The following HYDIN variants were observed in gnomAD, a reference collection of about 807,000 sequenced individuals.
HYDIN encodes the protein HYDIN axonemal central pair apparatus protein.
A neutral mutation model predicts 403.9 loss-of-function variants in HYDIN; 132 were observed. That is an observed-to-expected ratio of 0.33 (90% CI 0.28 to 0.38). The LOEUF is 0.38. Ranked by LOEUF, HYDIN falls within the 10% of genes least tolerant of loss-of-function variation. HYDIN has a pLI of 1.00. For missense variants in HYDIN, 2,827 were observed against 5,009.5 expected (o/e 0.56, Z 13.15); for synonymous variants, 1,202 against 1,891.7 (o/e 0.64, Z 9.46).
chr16:70,841,982 C>G (rs1353496387), intron 75 of HYDIN, among the ~76,000 whole-genome samples: 1 of 150,558 alleles, frequency 6.6e-6, no homozygotes, highest in Non-Finnish European at 1.5e-5. Context: ...CACCTTCTTC[C>G]TGAGGATTTG....
intron 80 of HYDIN, 51 bp from the exon 81 acceptor site, chr16:70,829,881 C>T (rs1292141296): frequency 1.3e-6 from 2 of 1,519,090 alleles, no homozygotes; most frequent in Non-Finnish European, 1.8e-6. Context: ...CCTGGTCCGT[C>T]TCCAGGGCCA....
rs746194696 is a variant in HYDIN at position 70,803,046 on chromosome 16, C to T, written c.*4534G>A. Among the ~76,000 whole-genome samples, 49 of 152,272 alleles carry T rather than the reference C, an allele frequency of 3.2e-4. 1 individual carries two copies. The highest frequency in any genetic ancestry group is 8.3e-4 in the South Asian group (4 of 4,828). On this transcript the variant is annotated 3_prime_UTR_variant, in exon 86 of 86. Coordinates refer to ENST00000393567, the MANE Select transcript of HYDIN (RefSeq NM_001270974.2). ...CCAATGTGTGTGCATTTCCACGGGACGCATATCTAATATATTTCATGTTTC... is the reference window on the plus strand; with the variant it reads ...CCAATGTGTGTGCATTTCCACGGGATGCATATCTAATATATTTCATGTTTC...
chr16:71,209,939 T>C (rs2088495455), intron 1 of HYDIN, among the ~76,000 whole-genome samples: 1 of 152,070 alleles, frequency 6.6e-6, no homozygotes. Flanking sequence ...AGAAGAAATA[T>C]CATTAAAGGG....
At chr16:70,890,328 C>T (rs929510525) in intron 57 of HYDIN, among the ~76,000 whole-genome samples, 3 of 152,272 alleles carry the variant, frequency 2.0e-5, no homozygotes, top group South Asian at 2.1e-4. Flanking sequence ...AACCCCCTTT[C>T]GTGTGTTTTG....
At position 71,217,939 on chromosome 16, in the gene HYDIN, TC is replaced by T. The variant is rs557339206; in HGVS notation, c.-24+12622del. 7.2e-5 allele frequency among the ~76,000 whole-genome samples: 11 copies of T among 152,312 alleles called. No individual in the cohort carries two copies. In the South Asian group the frequency reaches 2.3e-3, roughly 32 times the overall value. On this transcript the variant is annotated intron_variant, in intron 1 of 85. Coordinates refer to ENST00000393567, the MANE Select transcript of HYDIN (RefSeq NM_001270974.2). ...GGTGCTGAATCGTTGTTGAAAAATC[TC>T]CTGAATTTGTTGTAATAGGGATGAG...
rs72792885 is a variant in HYDIN at position 70,818,380 on chromosome 16, C to T, written c.14620G>A (p.Ala4874Thr). 1,094 of 1,613,638 alleles carry T rather than the reference C, an allele frequency of 6.8e-4. 3 individuals are homozygous for T. Among genetic ancestry groups the T allele is most frequent in the Non-Finnish European group, 5.9e-4 (699 of 1,179,756 alleles). Residue 4874 changes from alanine to threonine, a missense_variant, in exon 84 of 86, where the codon GCC becomes ACC. Ala to Thr is a moderately conservative substitution (Grantham distance 58). Transcript: ENST00000393567. ...GGCACCACAAACTGGGAGGGCAGGG[C>T]GATGTCGGGCATCCGGCATTCCGTG... ...FSTECRMPDIALPSQFVVPAN... is the reference protein window; with the variant it reads ...FSTECRMPDITLPSQFVVPAN...
chr16:71,123,087 C>T (rs2144493634), intron 9 of HYDIN, among the ~76,000 whole-genome samples: 1 of 77,552 alleles, frequency 1.3e-5, no homozygotes, highest in East Asian at 3.4e-4. Context: ...TCAAATGACT[C>T]CTCGATGCCC....
intron 18 of HYDIN, among the ~76,000 whole-genome samples, chr16:71,041,421 T>G (rs995554045): frequency 6.6e-6 from 1 of 152,162 alleles, no homozygotes; most frequent in African/African-American, 2.4e-5. Flanking sequence ...GTCAGCAAAA[T>G]TAAGACACAA....
At chr16:70,879,018 A>G (rs1255565759) in intron 62 of HYDIN, among the ~76,000 whole-genome samples, 4 of 151,014 alleles carry the variant, frequency 2.6e-5, no homozygotes, top group African/African-American at 9.9e-5. Context: ...CAAAGAAGAT[A>G]TTAAGAACAC....
intron 1 of HYDIN, among the ~76,000 whole-genome samples, chr16:71,223,923 TC>T (rs1401349635): frequency 6.6e-6 from 1 of 152,166 alleles, no homozygotes; most frequent in Non-Finnish European, 1.5e-5. Context: ...TACCATTTCA[TC>T]CAGCAATCCC....
intron 23 of HYDIN, among the ~76,000 whole-genome samples, chr16:70,994,192 C>A (rs1443939583): frequency 6.6e-6 from 1 of 151,850 alleles, no homozygotes; most frequent in Non-Finnish European, 1.5e-5. Flanking sequence ...TCTTTACATA[C>A]CCTATTGCAC....
chr16:70,992,084 T>G lies in HYDIN; in HGVS notation c.3771A>C (p.Leu1257Phe). ...LVTVESPEMD[L>F]NDFVKTVLVD... ...TTTGCACTTACTTAACAAAATCATT[T>G]AAATCCATCTCGGGGGACTCTACTG... is the stretch of plus-strand genomic sequence containing the variant. The change falls in exon 24 of 86, where the codon TTA becomes TTC. Residue 1257 changes from leucine to phenylalanine, a missense_variant. Coordinates refer to ENST00000393567, the MANE Select transcript of HYDIN (RefSeq NM_001270974.2). The G allele has an allele frequency of 6.2e-7, 1 of 1,613,866 alleles. No individual in the cohort carries two copies. Among genetic ancestry groups the G allele is most frequent in the Non-Finnish European group, 8.5e-7 (1 of 1,179,902 alleles).
In HYDIN at chr16:70,806,111, A is replaced by G. The variant is rs2035093732; in HGVS notation, c.*1469T>C. ...CTTATTTAGTTTAATAATGGCCCCAAAGCACATGGGTAGTGATGCTGGCAT... is the reference window on the plus strand; with the variant it reads ...CTTATTTAGTTTAATAATGGCCCCAGAGCACATGGGTAGTGATGCTGGCAT... On this transcript the variant is annotated 3_prime_UTR_variant, in exon 86 of 86. Coordinates refer to ENST00000393567, the MANE Select transcript of HYDIN (RefSeq NM_001270974.2). Among the ~76,000 whole-genome samples the G allele has an allele frequency of 6.6e-6, 1 of 152,216 alleles. No homozygotes were observed. The highest frequency in any genetic ancestry group is 6.5e-5 in the Admixed American group (1 of 15,288).
At chr16:71,134,980 T>C (rs1239582814) in intron 8 of HYDIN, among the ~76,000 whole-genome samples, 1 of 152,162 alleles carries the variant, frequency 6.6e-6, no homozygotes, top group Non-Finnish European at 1.5e-5. Flanking sequence ...TCGTAGACTC[T>C]TTACCGAGAT....
intron 18 of HYDIN, among the ~76,000 whole-genome samples, chr16:71,058,136 A>G (rs113894447): frequency 1.1e-4 from 4 of 37,444 alleles, no homozygotes; most frequent in Non-Finnish European, 1.6e-4. Context: ...ATAAAGACAC[A>G]TGCACATGTA....
At chr16:71,208,910 A>C (rs2088436770) in intron 1 of HYDIN, among the ~76,000 whole-genome samples, 1 of 152,160 alleles carries the variant, frequency 6.6e-6, no homozygotes, top group Non-Finnish European at 1.5e-5. Flanking sequence ...AAAATAGCCT[A>C]CGAACCAAAG....
Position 70,862,248 on chromosome 16 carries a change from A to G in HYDIN, c.11577T>C (p.Ala3859=), listed in dbSNP as rs1160659101. ...TGCCCTGACTAAGCTGATCTTTTTGAGCTGAACCTGGGGACAGACAGGGAG... is the reference window on the plus strand; with the variant it reads ...TGCCCTGACTAAGCTGATCTTTTTGGGCTGAACCTGGGGACAGACAGGGAG... ...SFAKPDHQGS[A]QKDQLSQGTM... The change falls in exon 69 of 86, where the codon GCT becomes GCC. Residue 3859 remains alanine (A), a synonymous_variant. Transcript: ENST00000393567. The G allele has an allele frequency of 6.2e-7, 1 of 1,611,176 alleles. No individual in the cohort carries two copies. The highest frequency in any genetic ancestry group is 1.3e-5 in the African/African-American group (1 of 74,646).
Position 70,960,868 on chromosome 16 carries a change from T to C in HYDIN, c.5969-1048A>G, listed in dbSNP as rs558342146. 7.2e-5 allele frequency among the ~76,000 whole-genome samples: 11 copies of C among 152,272 alleles called. No individual in the cohort carries two copies. The East Asian group carries it at 2.1e-3, about 30-fold the overall frequency. On this transcript the variant is annotated intron_variant, in intron 38 of 85. Coordinates refer to ENST00000393567, the MANE Select transcript of HYDIN (RefSeq NM_001270974.2). ...CACCATGCCCGGCTAATTTTTTGTA[T>C]TTTTAGTACAGACAGGGTTTCATCG...
At chr16:70,995,194 A>G (rs1005691993) in intron 23 of HYDIN, among the ~76,000 whole-genome samples, 15 of 152,218 alleles carry the variant, frequency 9.9e-5, no homozygotes, top group Non-Finnish European at 1.6e-4. Context: ...AAATATTGAA[A>G]TAGAACGCTG....
Sources: allele counts gnomAD v4.1 joint callset (sites outside exome capture counted in the v4.1 genomes callset), GRCh38; gene constraint gnomAD v4.1.1; transcripts MANE v1.5; gene names NCBI Gene and HGNC (gene_info 2026-07-23, HGNC 2026-07-21).